NUF2: variants seen among roughly 807,000 people sequenced by gnomAD.
NUF2 encodes kinetochore protein Nuf2.
NUF2 carries 34 observed loss-of-function variants against 61.8 expected under a neutral mutation model. The observed-to-expected ratio is 0.55, with a 90% CI of 0.42 to 0.73. The LOEUF (loss-of-function observed/expected upper bound fraction) is 0.73, where lower values mean the gene tolerates loss of function less well. Ranked by LOEUF, NUF2 falls within the 30% of genes least tolerant of loss-of-function variation. The probability of loss-of-function intolerance (pLI) is 0.00; values close to 1 mark genes in which losing one functional copy is unlikely to be tolerated. For missense variants in NUF2, 445 were observed against 539.1 expected, an observed-to-expected ratio of 0.83 and a Z score of 1.73; for synonymous variants, 172 against 181.6, an observed-to-expected ratio of 0.95 and a Z score of 0.42.
intron 3 of NUF2, 180 bp from the exon 4 acceptor site, chr1:163,328,048 A>G (rs559960253): frequency 1.8e-5 from 8 of 448,366 alleles, no homozygotes; most frequent in African/African-American, 1.2e-4. Context: ...AAAAATCTTT[A>G]TTAAGCACCT....
At chr1:163,328,057 C>A in intron 3 of NUF2, 171 bp from the exon 4 acceptor site, 1 of 453,394 alleles carries the variant, frequency 2.2e-6, no homozygotes, top group Non-Finnish European at 3.9e-6. Context: ...TATTAAGCAC[C>A]TACTGTGAAC....
chr1:163,338,027 C>T lies in NUF2; in HGVS notation c.443C>T (p.Ser148Phe), dbSNP rs776386483. Reference protein sequence around the residue: ...YMEFLWQYKSSADKMQQLNAA... With the variant: ...YMEFLWQYKSFADKMQQLNAA... ...TTAAAATTGCTTTAATAGAAATCCT[C>T]TGCGGACAAAATGCAACAGTTAAAC... Residue 148 changes from serine to phenylalanine, a missense_variant, in exon 7 of 14, where the codon TCT (serine) becomes TTT (phenylalanine). Transcript: ENST00000271452. The T allele has an allele frequency of 1.2e-6, 2 of 1,612,698 alleles. No individual in the cohort carries two copies. The highest frequency in any genetic ancestry group is 1.1e-5 in the South Asian group (1 of 91,020).
At chr1:163,335,839 G>A (rs1329141232) in intron 5 of NUF2, among the ~76,000 whole-genome samples, 1 of 151,866 alleles carries the variant, frequency 6.6e-6, no homozygotes, top group Non-Finnish European at 1.5e-5. Flanking sequence ...TCAACTTCAT[G>A]AATCCTTTTT....
intron 12 of NUF2, among the ~76,000 whole-genome samples, 193 bp downstream of exon 12, chr1:163,348,131 T>C (rs1651197981): frequency 1.3e-5 from 2 of 152,166 alleles, no homozygotes; most frequent in African/African-American, 4.8e-5. Flanking sequence ...TTTAGAGATG[T>C]CTTAGCTACT....
chr1:163,331,028 T>TG (rs1490050932), intron 5 of NUF2, among the ~76,000 whole-genome samples: 1 of 73,762 alleles, frequency 1.4e-5, no homozygotes, highest in African/African-American at 4.3e-5. Context: ...TTTTATTCTT[T>TG]TTTTTTTTTT....
At chr1:163,336,993 T>A (rs575963631) in intron 6 of NUF2, 145 bp downstream of exon 6, 240 of 586,128 alleles carry the variant, frequency 4.1e-4, no homozygotes, top group Admixed American at 6.9e-4. Context: ...TATATTAACT[T>A]GCAGATTTTA....
At chr1:163,345,413 T>C (rs1347451177) in intron 10 of NUF2, among the ~76,000 whole-genome samples, 1 of 152,192 alleles carries the variant, frequency 6.6e-6, no homozygotes, top group Non-Finnish European at 1.5e-5. Flanking sequence ...TCATCATTAT[T>C]AACTTTTGGA....
chr1:163,344,549 C>T (rs764007254), intron 10 of NUF2, among the ~76,000 whole-genome samples: 7 of 148,260 alleles, frequency 4.7e-5, no homozygotes, highest in Non-Finnish European at 7.4e-5. Context: ...GAGGGAACAG[C>T]GTATGTGAAT....
chr1:163,345,966 AAG>A (rs1651110916), intron 11 of NUF2, 148 bp downstream of exon 11: 1 of 519,034 alleles, frequency 1.9e-6, no homozygotes, highest in African/African-American at 1.9e-5. Context: ...TGCTATGAAA[AAG>A]ACACTTTTCT....
intron 9 of NUF2, among the ~76,000 whole-genome samples, chr1:163,340,954 A>C (rs929957094): frequency 1.3e-5 from 2 of 152,206 alleles, no homozygotes; most frequent in Admixed American, 6.5e-5. Context: ...ATGTACATAC[A>C]TACATTTCTG....
At chr1:163,343,680 TG>T (rs1651021074) in intron 9 of NUF2, 52 bp from the exon 10 acceptor site, 1 of 877,684 alleles carries the variant, frequency 1.1e-6, no homozygotes, top group Non-Finnish European at 1.6e-6. Context: ...ATTACTAGAA[TG>T]GTAAATCACC....
At chr1:163,334,073 G>A (rs1210578795) in intron 5 of NUF2, among the ~76,000 whole-genome samples, 2 of 152,256 alleles carry the variant, frequency 1.3e-5, no homozygotes, top group East Asian at 3.9e-4. Context: ...TGCAGTATTT[G>A]ACTTTCTGTT....
Position 163,328,730 on chromosome 1 carries a change from G to T in NUF2, c.276-116G>T. 4.4e-6 allele frequency: 3 copies of T among 681,466 alleles called. No individual in the cohort carries two copies. In the South Asian group the frequency reaches 5.7e-5, roughly 13 times the overall value. 42.2% of individuals were successfully genotyped at this position (681,466 alleles called of 1,614,324 possible). A position where few individuals can be genotyped will look rare whatever the true frequency, so the allele number is the denominator to read the frequency against. ...TAGTAGAATTCTGGCTTCGTCCACT[G>T]ACCTTAAGAAATATATCCAGAAATC... On this transcript the variant is annotated intron_variant, in intron 4 of 13. Coordinates refer to ENST00000271452, the MANE Select transcript of NUF2 (RefSeq NM_145697.3).
chr1:163,342,376 G>T (rs1021636138), intron 9 of NUF2, among the ~76,000 whole-genome samples: 38 of 152,040 alleles, frequency 2.5e-4, no homozygotes, highest in African/African-American at 9.2e-4. Flanking sequence ...ATAAAGAGGA[G>T]AAAAGTGATG....
intron 3 of NUF2, 104 bp downstream of exon 3, chr1:163,327,666 A>T: frequency 1.4e-6 from 1 of 694,800 alleles, no homozygotes. Flanking sequence ...TAGGATAGGA[A>T]GTTCTTGACT....
At chr1:163,345,861 CTTACT>C in intron 11 of NUF2, 43 bp downstream of exon 11, 1 of 1,364,372 alleles carries the variant, frequency 7.3e-7, no homozygotes. Flanking sequence ...TATATAACAG[CTTACT>C]ATAGTTCCTT....
In NUF2 at chr1:163,350,630, T is replaced by C. The variant is rs1270299766; in HGVS notation, c.1260+1550T>C. Among the ~76,000 whole-genome samples, 3 of 152,306 alleles carry C rather than the reference T, an allele frequency of 2.0e-5. No homozygotes were observed. In the East Asian group the frequency reaches 5.8e-4, roughly 29 times the overall value. ...GAATGGTGCCTTATGTGTAGTATGT[T>C]TTCCATAAATATTTATAAAATTGAA... On this transcript the variant is annotated intron_variant, in intron 13 of 13. Transcript: ENST00000271452.
intron 10 of NUF2, among the ~76,000 whole-genome samples, chr1:163,344,244 G>C (rs368971514): frequency 6.6e-6 from 1 of 152,028 alleles, no homozygotes; most frequent in African/African-American, 2.4e-5. Context: ...CATGTGTGTA[G>C]GTAGGGGTAT....
At position 163,355,520 on chromosome 1, in the gene NUF2, C is replaced by T. The variant is rs747807801; in HGVS notation, c.*51C>T. ...AAATGGCTTGCCATCTTTTAATTTT[C>T]TATTTAGAAAGAAAAGTTGAAGCGA... On this transcript the variant is annotated 3_prime_UTR_variant, in exon 14 of 14. Coordinates refer to ENST00000271452, the MANE Select transcript of NUF2 (RefSeq NM_145697.3). 6.6e-7 allele frequency: 1 copy of T among 1,521,860 alleles called. No individual in the cohort carries two copies. 94.3% of individuals were successfully genotyped at this position (1,521,860 alleles called of 1,614,324 possible). A position where few individuals can be genotyped will look rare whatever the true frequency, so the allele number is the denominator to read the frequency against.
Sources: allele counts gnomAD v4.1 joint callset (sites outside exome capture counted in the v4.1 genomes callset), GRCh38; gene constraint gnomAD v4.1.1; transcripts MANE v1.5; gene names NCBI Gene and HGNC (gene_info 2026-07-23, HGNC 2026-07-21).